The following AGO2 variants were observed in gnomAD, a reference collection of about 807,000 sequenced individuals.
AGO2 encodes argonaute RISC catalytic component 2, also known as protein argonaute-2.
A neutral mutation model predicts 102.3 loss-of-function variants in AGO2; 5 were observed. That is an observed-to-expected ratio of 0.05 (90% CI 0.03 to 0.10). The LOEUF is 0.10. AGO2 is among the 10% of genes least tolerant of loss of function. The pLI is 1.00. For missense variants in AGO2, 541 were observed against 1,183.7 expected, an observed-to-expected ratio of 0.46 and a Z score of 7.97; for synonymous variants, 449 against 473.1, an observed-to-expected ratio of 0.95 and a Z score of 0.66.
intron 12 of AGO2, among the ~76,000 whole-genome samples, chr8:140,548,038 G>A (rs954283485): frequency 4.6e-5 from 7 of 152,206 alleles, no homozygotes; most frequent in African/African-American, 1.4e-4. Context: ...TACACTGGCC[G>A]GGCGCGGTGG....
chr8:140,544,158 G>T (rs1411062026), intron 14 of AGO2, 55 bp downstream of exon 14: 2 of 1,501,802 alleles, frequency 1.3e-6, no homozygotes, highest in South Asian at 1.3e-5. Flanking sequence ...GTGGGACTTC[G>T]ACAGCGTCCT....
At chr8:140,641,220 G>A in the AGO2 span, among the ~76,000 whole-genome samples, 20 of 151,946 alleles carry the variant, frequency 1.3e-4, no homozygotes, top group Admixed American at 1.2e-3. Flanking sequence ...AGCCCTCAGG[G>A]AGGCTGAGGA....
intron 1 of AGO2, among the ~76,000 whole-genome samples, chr8:140,585,901 T>C (rs141186375): frequency 1.8e-3 from 279 of 152,318 alleles, no homozygotes; most frequent in African/African-American, 6.5e-3. Flanking sequence ...GAAAAAGAAC[T>C]CTACTAAAAA....
At chr8:140,546,860 C>T (rs1010134879) in intron 13 of AGO2, among the ~76,000 whole-genome samples, 1 of 152,150 alleles carries the variant, frequency 6.6e-6, no homozygotes, top group Admixed American at 6.5e-5. Context: ...AGAAGCAAAC[C>T]CTGGCCCTGC....
chr8:140,557,356 C>T lies in AGO2; in HGVS notation c.879-120G>A, dbSNP rs138874201. 3.2e-5 allele frequency: 40 copies of T among 1,249,756 alleles called. No homozygotes were observed. Among genetic ancestry groups the T allele is most frequent in the African/African-American group, 1.4e-4 (9 of 66,148 alleles). The allele number at this position is 1,249,756 out of a possible 1,614,324, so 77.4% of individuals were successfully genotyped here. ...GAGGAGCAAACATTCAGAGCACTTC[C>T]GGGAGTGAAAACCATGTCATGTGCT... On this transcript the variant is annotated intron_variant, in intron 7 of 18. Transcript: ENST00000220592. This position sits in a 1 kb window ranked among gnomAD's most constrained non-coding sequence, Gnocchi z 5.9.
At chr8:140,592,190 T>G (rs1206753924) in intron 1 of AGO2, 1 of 151,890 alleles carries the variant, frequency 6.6e-6, no homozygotes, top group Non-Finnish European at 1.5e-5. Flanking sequence ...GTAAGTTATC[T>G]CCTACAGAAA....
chr8:140,630,051 G>T (rs996579659), intron 1 of AGO2, among the ~76,000 whole-genome samples: 1 of 152,066 alleles, frequency 6.6e-6, no homozygotes, highest in East Asian at 1.9e-4. Flanking sequence ...AGCTCACAAC[G>T]GGGACACGCG....
At position 140,532,169 on chromosome 8, in the gene AGO2, G is replaced by A. The variant is rs773656425; in HGVS notation, c.2472-17C>T. 4.4e-6 allele frequency: 7 copies of A among 1,606,044 alleles called. No homozygotes were observed. Among genetic ancestry groups the A allele is most frequent in the Non-Finnish European group, 6.0e-6 (7 of 1,173,454 alleles). On this transcript the variant is annotated splice_polypyrimidine_tract_variant and intron_variant, in intron 18 of 18. Coordinates refer to ENST00000220592, the MANE Select transcript of AGO2 (RefSeq NM_012154.5). ...CCTTCAGCACTGCAGGGATGAGAGA[G>A]AGAGAGAATGAGAATGTGCAGCCTT...
chr8:140,550,757 C>T (rs926186157), intron 11 of AGO2, among the ~76,000 whole-genome samples: 9 of 152,280 alleles, frequency 5.9e-5, no homozygotes, highest in African/African-American at 1.9e-4. Flanking sequence ...GCTGGGACTA[C>T]AGGTGCACCA....
chr8:140,585,157 C>T lies in AGO2; in HGVS notation c.177G>A (p.Leu59=), dbSNP rs1292430132. 6.2e-7 allele frequency: 1 copy of T among 1,614,118 alleles called. No individual in the cohort carries two copies. The highest frequency in any genetic ancestry group is 1.1e-5 in the South Asian group (1 of 91,076). The part of the protein sequence containing the change: ...IPKIDIYHYE[L]DIKPEKCPRR... ...TCGGGCACTTCTCTGGCTTGATATC[C>T]AATTCATAATGATAGATGTCAATTT... is the stretch of plus-strand genomic sequence containing the variant. The change falls in exon 2 of 19, where the codon TTG becomes TTA. Residue 59 remains leucine (L), a synonymous_variant. Transcript: ENST00000220592.
At chr8:140,641,565 A>G in the AGO2 span, among the ~76,000 whole-genome samples, 1 of 152,194 alleles carries the variant, frequency 6.6e-6, no homozygotes, top group Non-Finnish European at 1.5e-5. Context: ...AATTCTATAT[A>G]CTAATGACAA....
At chr8:140,636,861 A>AC (rs2074413849), upstream of AGO2, 2 of 152,394 alleles carry the variant, frequency 1.3e-5, no homozygotes, top group Admixed American at 1.3e-4. Flanking sequence ...CTGAATACCC[A>AC]CGGAGAGCAG....
chr8:140,585,931 T>G (rs2073648060), intron 1 of AGO2, among the ~76,000 whole-genome samples: 1 of 152,254 alleles, frequency 6.6e-6, no homozygotes, highest in South Asian at 2.1e-4. Context: ...CTGTTCTTAC[T>G]GTATTTCTGA....
intron 1 of AGO2, among the ~76,000 whole-genome samples, chr8:140,605,384 A>G (rs1243062416): frequency 6.6e-6 from 1 of 152,244 alleles, no homozygotes; most frequent in Non-Finnish European, 1.5e-5. Flanking sequence ...GGTGTGAGCC[A>G]ATGCACCCGC....
Position 140,524,986 on chromosome 8 carries a change from C to G in AGO2, c.*7058G>C, listed in dbSNP as rs1270255384. ...TTGGTGTTTTAGCTTTAACTCTGAA[C>G]TACTTAAATCCAAGGAGGTTTTAAA... On this transcript the variant is annotated 3_prime_UTR_variant, in exon 19 of 19. Transcript: ENST00000220592. The G allele has an allele frequency of 6.6e-6, 1 of 152,194 alleles. No individual in the cohort carries two copies. The highest frequency in any genetic ancestry group is 1.5e-5 in the Non-Finnish European group (1 of 68,042). The allele number at this position is 152,194 out of a possible 1,614,324, so 9.4% of individuals were successfully genotyped here. A position where few individuals can be genotyped will look rare whatever the true frequency, so the allele number is the denominator to read the frequency against.
At chr8:140,596,541 C>T (rs1482444638) in intron 1 of AGO2, among the ~76,000 whole-genome samples, 1 of 152,224 alleles carries the variant, frequency 6.6e-6, no homozygotes, top group Non-Finnish European at 1.5e-5. Flanking sequence ...TGAGATGGCA[C>T]CATTGCACTC....
At chr8:140,621,541 C>G (rs1024949001) in intron 1 of AGO2, among the ~76,000 whole-genome samples, 35 of 152,190 alleles carry the variant, frequency 2.3e-4, no homozygotes, top group Middle Eastern at 6.3e-3. Context: ...TATGAGGCAT[C>G]CAGGATGGAG....
intron 14 of AGO2, 33 bp from the exon 15 acceptor site, chr8:140,541,391 T>C: frequency 1.3e-6 from 2 of 1,537,016 alleles, no homozygotes; most frequent in Non-Finnish European, 1.7e-6. Flanking sequence ...TGGTCAGGGG[T>C]TCCCAAAACT....
intron 3 of AGO2, chr8:140,572,141 C>T (rs756441792): frequency 6.6e-6 from 1 of 152,240 alleles, no homozygotes; most frequent in Non-Finnish European, 1.5e-5. Context: ...GAAGTGACAA[C>T]TTCTGGGCAG....
Sources: allele counts gnomAD v4.1 joint callset (sites outside exome capture counted in the v4.1 genomes callset), GRCh38; gene constraint gnomAD v4.1.1; non-coding constraint Gnocchi (gnomAD v3.1); transcripts MANE v1.5; gene names NCBI Gene and HGNC (gene_info 2026-07-23, HGNC 2026-07-21).